The following MPZL1 variants were observed in gnomAD, a reference collection of about 807,000 sequenced individuals.
The protein encoded by MPZL1 is myelin protein zero-like protein 1.
Under a neutral mutation model 29.3 loss-of-function variants are expected in MPZL1, and 16 were observed. That is an observed-to-expected ratio of 0.55 (90% CI 0.37 to 0.83). The LOEUF (loss-of-function observed/expected upper bound fraction) is 0.83. Ranked by LOEUF, MPZL1 falls within the 40% of genes least tolerant of loss-of-function variation. The probability of loss-of-function intolerance (pLI) is 0.00; values close to 1 mark genes in which losing one functional copy is unlikely to be tolerated. For synonymous variants in MPZL1, 143 were observed against 132.0 expected (o/e 1.08, Z -0.57); for missense variants, 279 against 332.9 (o/e 0.84, Z 1.26).
chr1:167,764,938 A>C (rs1661079618), intron 1 of MPZL1: 1 of 152,258 alleles, frequency 6.6e-6, no homozygotes, highest in Non-Finnish European at 1.5e-5. Flanking sequence ...AGAAAAGGCA[A>C]ACCTATAGAG....
intron 1 of MPZL1, 31 bp downstream of exon 1, chr1:167,722,273 G>T (rs113502875): frequency 1.6e-6 from 2 of 1,235,420 alleles, no homozygotes; most frequent in Non-Finnish European, 2.0e-6. Context: ...GGCTGGGGCC[G>T]GGGAGTGGGG....
At chr1:167,731,785 G>C (rs1172779130) in intron 1 of MPZL1, among the ~76,000 whole-genome samples, 1 of 151,398 alleles carries the variant, frequency 6.6e-6, no homozygotes, top group East Asian at 1.9e-4. Flanking sequence ...AAATGCTAAG[G>C]AGGCAGGAGG....
chr1:167,778,613 C>T (rs1661422490), intron 5 of MPZL1, among the ~76,000 whole-genome samples: 1 of 150,700 alleles, frequency 6.6e-6, no homozygotes, highest in Non-Finnish European at 1.5e-5. Context: ...AATAAAAAAT[C>T]AGGAGAAATC....
chr1:167,757,173 G>A (rs901643269), intron 1 of MPZL1, among the ~76,000 whole-genome samples: 6 of 152,298 alleles, frequency 3.9e-5, no homozygotes, highest in African/African-American at 1.4e-4. Flanking sequence ...GGGTGGCCCT[G>A]TTCCCAGGAG....
At chr1:167,743,198 A>G (rs373479565) in intron 1 of MPZL1, among the ~76,000 whole-genome samples, 4 of 151,056 alleles carry the variant, frequency 2.6e-5, no homozygotes, top group South Asian at 2.1e-4. Context: ...TACTTTTGGC[A>G]GTATCATCAT....
rs750067905 is a variant in MPZL1, at chr1:167,765,731, G to C, written c.240G>C (p.Gly80=). The C allele has an allele frequency of 6.2e-7, 1 of 1,610,920 alleles. No individual in the cohort carries two copies. Among genetic ancestry groups the C allele is most frequent in the African/African-American group, 1.3e-5 (1 of 74,866 alleles). ...TSVSWSFQPE[G]ADTTVSFFHY... is the part of the protein sequence containing the mutation. Reference sequence around the variant, plus strand: ...TCTCCTGGAGCTTCCAGCCAGAGGGGGCCGACACTACTGTGTCGGTAAGAA... The same window carrying C: ...TCTCCTGGAGCTTCCAGCCAGAGGGCGCCGACACTACTGTGTCGGTAAGAA... The change falls in exon 2 of 6, where the codon GGG becomes GGC. Residue 80 remains glycine, a synonymous_variant. Coordinates refer to ENST00000359523, the MANE Select transcript of MPZL1 (RefSeq NM_003953.6).
chr1:167,765,800 C>G (rs1485491789), intron 2 of MPZL1, 51 bp downstream of exon 2: 2 of 1,466,944 alleles, frequency 1.4e-6, no homozygotes. Flanking sequence ...GGTTTCTTTA[C>G]TGCTGTATAA....
chr1:167,727,495 T>C (rs1234838736), intron 1 of MPZL1, among the ~76,000 whole-genome samples: 1 of 152,210 alleles, frequency 6.6e-6, no homozygotes, highest in Non-Finnish European at 1.5e-5. Context: ...CTTTGGCATA[T>C]AATTTATTAT....
chr1:167,780,447 G>A (rs1452548251), intron 5 of MPZL1, among the ~76,000 whole-genome samples: 4 of 152,182 alleles, frequency 2.6e-5, no homozygotes, highest in Non-Finnish European at 5.9e-5. Flanking sequence ...GTACATCCAT[G>A]TTCATAGCAG....
chr1:167,766,132 A>AGCGTATAGTCCATCTG (rs1661110526), intron 2 of MPZL1, among the ~76,000 whole-genome samples: 1 of 151,910 alleles, frequency 6.6e-6, no homozygotes, highest in Non-Finnish European at 1.5e-5. Flanking sequence ...ATCTTTTTTT[A>AGCGTATAGTCCATCTG]ATTTAGCGTA....
intron 1 of MPZL1, among the ~76,000 whole-genome samples, chr1:167,738,543 T>C (rs140338461): frequency 6.6e-6 from 1 of 152,332 alleles, no homozygotes; most frequent in African/African-American, 2.4e-5. Context: ...TCATTTTGAA[T>C]TGTAATCCCC....
intron 1 of MPZL1, among the ~76,000 whole-genome samples, chr1:167,756,183 C>G (rs1282711354): frequency 6.6e-6 from 1 of 151,930 alleles, no homozygotes; most frequent in East Asian, 1.9e-4. Context: ...CAGTCTCACT[C>G]TGTCACACAG....
At chr1:167,745,478 ATC>A (rs1381666003) in intron 1 of MPZL1, among the ~76,000 whole-genome samples, 4 of 151,920 alleles carry the variant, frequency 2.6e-5, no homozygotes, top group African/African-American at 9.7e-5. Context: ...AATACTTAAC[ATC>A]TCTATTTTGT....
chr1:167,754,760 A>C (rs1660832887), intron 1 of MPZL1, among the ~76,000 whole-genome samples: 1 of 152,204 alleles, frequency 6.6e-6, no homozygotes, highest in Non-Finnish European at 1.5e-5. Context: ...TACATGTTTC[A>C]AATCACCTGG....
intron 1 of MPZL1, among the ~76,000 whole-genome samples, chr1:167,730,841 C>T (rs1660248699): frequency 6.6e-6 from 1 of 152,198 alleles, no homozygotes; most frequent in South Asian, 2.1e-4. Flanking sequence ...GGCATCCAAA[C>T]CAAAGTCTCC....
In MPZL1 at chr1:167,765,734, C is replaced by T. The variant is rs779480588; in HGVS notation, c.243C>T (p.Ala81=). The T allele has an allele frequency of 1.2e-5, 20 of 1,610,624 alleles. No individual in the cohort carries two copies. Among genetic ancestry groups the T allele is most frequent in the East Asian group, 4.5e-5 (2 of 44,742 alleles). The part of the protein sequence containing the change: ...SVSWSFQPEG[A]DTTVSFFHYS... Reference sequence around the variant, plus strand: ...CCTGGAGCTTCCAGCCAGAGGGGGCCGACACTACTGTGTCGGTAAGAATGC... The same window carrying T: ...CCTGGAGCTTCCAGCCAGAGGGGGCTGACACTACTGTGTCGGTAAGAATGC... Residue 81 remains alanine, a synonymous_variant, in exon 2 of 6, where the codon GCC becomes GCT. Coordinates refer to ENST00000359523, the MANE Select transcript of MPZL1 (RefSeq NM_003953.6).
At chr1:167,756,503 A>G (rs1404057061) in intron 1 of MPZL1, among the ~76,000 whole-genome samples, 2 of 140,982 alleles carry the variant, frequency 1.4e-5, no homozygotes, top group African/African-American at 5.4e-5. Context: ...TGATTCTCTC[A>G]CACAGAAAGA....
chr1:167,735,236 G>C (rs1464525977), intron 1 of MPZL1, among the ~76,000 whole-genome samples: 1 of 152,054 alleles, frequency 6.6e-6, no homozygotes, highest in Non-Finnish European at 1.5e-5. Flanking sequence ...TAGTATATGT[G>C]GTCACCCAGA....
chr1:167,777,476 G>A (rs1385411575), intron 5 of MPZL1, among the ~76,000 whole-genome samples: 1 of 152,136 alleles, frequency 6.6e-6, no homozygotes, highest in Non-Finnish European at 1.5e-5. Context: ...AATGGAAACT[G>A]GGCCCAGCTG....
Sources: allele counts gnomAD v4.1 joint callset (sites outside exome capture counted in the v4.1 genomes callset), GRCh38; gene constraint gnomAD v4.1.1; transcripts MANE v1.5; gene names NCBI Gene and HGNC (gene_info 2026-07-23, HGNC 2026-07-21).